Variants in KMT2C observed in about 807,000 individuals in gnomAD.
KMT2C encodes lysine methyltransferase 2C.
A neutral mutation model predicts 507.9 loss-of-function variants in KMT2C; 88 were observed. The observed-to-expected ratio is 0.17, with a 90% CI of 0.15 to 0.21. The LOEUF is 0.21. Ranked by LOEUF, KMT2C falls within the 10% of genes least tolerant of loss-of-function variation. The pLI is 1.00. For missense variants in KMT2C, 4,954 were observed against 5,957.8 expected (o/e 0.83, Z 5.55); for synonymous variants, 2,049 against 2,080.8 (o/e 0.98, Z 0.42).
intron 4 of KMT2C, among the ~76,000 whole-genome samples, chr7:152,314,077 T>C (rs1331094964): frequency 2.6e-5 from 4 of 152,144 alleles, no homozygotes; most frequent in East Asian, 1.9e-4. Context: ...GAAAAAGCTA[T>C]AGCCTCCAAA....
At chr7:152,242,753 T>C (rs1190414374) in intron 14 of KMT2C, among the ~76,000 whole-genome samples, 1 of 152,178 alleles carries the variant, frequency 6.6e-6, no homozygotes, top group Non-Finnish European at 1.5e-5. Flanking sequence ...TCAAATTCTA[T>C]TGCTGGTTGT....
At chr7:152,322,816 A>G (rs1386316174) in intron 3 of KMT2C, among the ~76,000 whole-genome samples, 2 of 152,060 alleles carry the variant, frequency 1.3e-5, no homozygotes, top group Admixed American at 1.3e-4. Flanking sequence ...GAACCCAAAT[A>G]AACAGCAAGA....
chr7:152,413,923 TG>T (rs1224860762), intron 1 of KMT2C, among the ~76,000 whole-genome samples: 1 of 146,364 alleles, frequency 6.8e-6, no homozygotes, highest in Non-Finnish European at 1.5e-5. Flanking sequence ...ATTTAGAAAA[TG>T]TATGAGGCCA....
chr7:152,433,544 C>T (rs769274108), intron 1 of KMT2C, among the ~76,000 whole-genome samples: 1 of 152,128 alleles, frequency 6.6e-6, no homozygotes, highest in Non-Finnish European at 1.5e-5. Context: ...AAGTTTAGAC[C>T]CGTCAAATTT....
chr7:152,237,766 C>T (rs1351757226), intron 15 of KMT2C, among the ~76,000 whole-genome samples: 1 of 152,136 alleles, frequency 6.6e-6, no homozygotes, highest in African/African-American at 2.4e-5. Flanking sequence ...TCCCAAAGTG[C>T]TGGGATTACA....
chr7:152,394,955 C>T (rs2097527848), intron 1 of KMT2C, among the ~76,000 whole-genome samples: 1 of 152,200 alleles, frequency 6.6e-6, no homozygotes, highest in South Asian at 2.1e-4. Context: ...TGGTTTAATG[C>T]ATTTTTAATT....
At chr7:152,357,722 T>C (rs1354578058) in intron 2 of KMT2C, among the ~76,000 whole-genome samples, 5 of 152,182 alleles carry the variant, frequency 3.3e-5, no homozygotes, top group Non-Finnish European at 4.4e-5. Flanking sequence ...AGTAATACTC[T>C]AACTAGACCT....
At chr7:152,348,454 C>G (rs1589353972) in intron 2 of KMT2C, among the ~76,000 whole-genome samples, 1 of 151,574 alleles carries the variant, frequency 6.6e-6, no homozygotes, top group Middle Eastern at 3.4e-3. Context: ...AAAAAAGTAG[C>G]CAGGCATGGT....
rs1031776270 is a variant in KMT2C at position 152,276,680 on chromosome 7, G to T, written c.850-2813C>A. The stretch of plus-strand genomic sequence containing the variant: ...GGGTGGGAAAACTGCTTGAGCCCAG[G>T]AGGTTGAGGCTGCAGTGAGCTGTGA... On this transcript the variant is annotated intron_variant, in intron 6 of 58. Transcript: ENST00000262189. Among the ~76,000 whole-genome samples the T allele has an allele frequency of 2.1e-4, 32 of 152,054 alleles. 1 individual carries two copies. The highest frequency in any genetic ancestry group is 6.5e-4 in the Admixed American group (10 of 15,268).
At chr7:152,172,616 A>T (rs2093016786) in intron 39 of KMT2C, among the ~76,000 whole-genome samples, 1 of 152,190 alleles carries the variant, frequency 6.6e-6, no homozygotes, top group African/African-American at 2.4e-5. Flanking sequence ...GAATCGCTTG[A>T]ACCTTGGAGG....
chr7:152,298,898 T>C (rs764306038), intron 6 of KMT2C, among the ~76,000 whole-genome samples: 1 of 152,202 alleles, frequency 6.6e-6, no homozygotes, highest in Non-Finnish European at 1.5e-5. Flanking sequence ...ATGCTTTTAT[T>C]ATAGATGAAG....
chr7:152,179,664 G>T (rs903343770), intron 37 of KMT2C, among the ~76,000 whole-genome samples, 170 bp downstream of exon 37: 52 of 116,934 alleles, frequency 4.4e-4, no homozygotes, highest in African/African-American at 6.7e-4. Context: ...GAGGTTGGGG[G>T]GGGGGGGGGG....
At chr7:152,358,717 G>A in intron 1 of KMT2C, 42 bp from the exon 2 acceptor site, 2 of 1,299,954 alleles carry the variant, frequency 1.5e-6, no homozygotes, top group Non-Finnish European at 2.2e-6. Context: ...AGAGTTAAAT[G>A]TTAAATTTTA....
intron 42 of KMT2C, among the ~76,000 whole-genome samples, chr7:152,164,187 T>C (rs2092611899): frequency 6.6e-6 from 1 of 152,186 alleles, no homozygotes; most frequent in Non-Finnish European, 1.5e-5. Flanking sequence ...CTAATTTTGA[T>C]GTCCTAGAAA....
chr7:152,286,972 T>C lies in KMT2C; in HGVS notation c.850-13105A>G, dbSNP rs558663813. Among the ~76,000 whole-genome samples the C allele has an allele frequency of 5.3e-5, 8 of 152,132 alleles. No homozygotes were observed. In the East Asian group the frequency reaches 1.6e-3, roughly 29 times the overall value. On this transcript the variant is annotated intron_variant, in intron 6 of 58. Transcript: ENST00000262189. ...ACCAGTTTAAGCCAAATGGTACAAA[T>C]AAAAGCCCAAGCCATATACCTTTTG... is the stretch of plus-strand genomic sequence containing the variant.
Position 152,179,888 on chromosome 7 carries a change from C to A in KMT2C, c.7388G>T (p.Arg2463Leu), listed in dbSNP as rs140834550. Reference sequence around the variant, plus strand: ...AGCAACATCAGGAGGATAGGGTCCACGCTGATCTTTTGGGAAAACAGCATA... The same window carrying A: ...AGCAACATCAGGAGGATAGGGTCCAAGCTGATCTTTTGGGAAAACAGCATA... The part of the protein sequence containing the change: ...PRYAVFPKDQ[R>L]GPYPPDVASM... The change falls in exon 37 of 59, where the codon CGT becomes CTT. Residue 2463 changes from arginine to leucine, a missense_variant. Arg to Leu is a moderately radical substitution (Grantham distance 102). Around this residue, in one of 29 missense-constraint regions of KMT2C, gnomAD observed 1,689 missense variants for 1,654.3 expected, o/e 1.02. Transcript: ENST00000262189. 1 of 1,614,020 alleles carries A rather than the reference C, an allele frequency of 6.2e-7. No homozygotes were observed. Among genetic ancestry groups the A allele is most frequent in the South Asian group, 1.1e-5 (1 of 91,080 alleles).
chr7:152,345,303 G>A (rs1197280553), intron 2 of KMT2C, among the ~76,000 whole-genome samples: 1 of 151,908 alleles, frequency 6.6e-6, no homozygotes, highest in African/African-American at 2.4e-5. Flanking sequence ...CCAGCTACTT[G>A]GGAGGCTGAG....
chr7:152,246,356 T>C (rs2095473184), intron 14 of KMT2C, among the ~76,000 whole-genome samples: 1 of 152,030 alleles, frequency 6.6e-6, no homozygotes, highest in South Asian at 2.1e-4. Flanking sequence ...AGAAAGATTA[T>C]CATCGGATTT....
At chr7:152,435,203 C>G (rs1357872556) in intron 1 of KMT2C, among the ~76,000 whole-genome samples, 1 of 151,990 alleles carries the variant, frequency 6.6e-6, no homozygotes, top group African/African-American at 2.4e-5. Flanking sequence ...TTGACAGCTC[C>G]GAGAGTTTCC....
Sources: allele counts gnomAD v4.1 joint callset (sites outside exome capture counted in the v4.1 genomes callset), GRCh38; gene constraint gnomAD v4.1.1; regional missense constraint gnomAD v4.1.1; transcripts MANE v1.5; gene names NCBI Gene and HGNC (gene_info 2026-07-23, HGNC 2026-07-21).